ANKS1B: variants seen among roughly 807,000 people sequenced by gnomAD.
The protein encoded by ANKS1B is ankyrin repeat and sterile alpha motif domain containing 1B, also known as ankyrin repeat and sterile alpha motif domain-containing protein 1B.
In ANKS1B, 36 loss-of-function variants were observed where a neutral mutation model predicts 148.3. The ratio of observed to expected loss-of-function variants is 0.24; its 90% CI spans 0.19 to 0.32. The LOEUF (loss-of-function observed/expected upper bound fraction) is 0.32, where lower values mean the gene tolerates loss of function less well. Among genes scored for constraint, ANKS1B ranks in the 10% least tolerant of loss-of-function variants. ANKS1B has a pLI of 1.00. For synonymous variants in ANKS1B, 542 were observed against 560.8 expected (o/e 0.97, Z 0.47); for missense variants, 1,157 against 1,542.6 (o/e 0.75, Z 4.19).
intron 8 of ANKS1B, 96 bp from the exon 9 acceptor site, chr12:99,655,306 G>A (rs1025024553): frequency 4.5e-5 from 51 of 1,124,830 alleles, no homozygotes; most frequent in Non-Finnish European, 5.5e-5. Flanking sequence ...GGTATATCTC[G>A]GCAAACAAGT....
intron 12 of ANKS1B, among the ~76,000 whole-genome samples, chr12:99,280,919 G>A (rs11109793): frequency 2.7e-5 from 4 of 149,756 alleles, no homozygotes; most frequent in South Asian, 2.1e-4. Context: ...ACACACACAC[G>A]TGCGCACATA....
chr12:99,260,792 C>T (rs2075846925), intron 12 of ANKS1B, among the ~76,000 whole-genome samples: 1 of 152,104 alleles, frequency 6.6e-6, no homozygotes, highest in African/African-American at 2.4e-5. Flanking sequence ...TCACATGACC[C>T]TTCAACCAAT....
intron 6 of ANKS1B, among the ~76,000 whole-genome samples, chr12:99,776,407 G>A (rs1209141552): frequency 1.3e-5 from 2 of 152,176 alleles, no homozygotes. Context: ...ACAAGTAAAG[G>A]AGGAGTATTA....
chr12:99,365,135 G>A (rs2092696685), intron 12 of ANKS1B, among the ~76,000 whole-genome samples: 1 of 152,120 alleles, frequency 6.6e-6, no homozygotes, highest in Admixed American at 6.5e-5. Context: ...AAGCATCTTG[G>A]GTGCCAGTGG....
At chr12:99,796,088 G>C (rs1432857635) in intron 4 of ANKS1B, among the ~76,000 whole-genome samples, 1 of 151,830 alleles carries the variant, frequency 6.6e-6, no homozygotes, top group East Asian at 1.9e-4. Flanking sequence ...TTGTGCTTTG[G>C]GGCCATTATT....
At chr12:99,484,763 TG>T (rs374664196) in intron 10 of ANKS1B, among the ~76,000 whole-genome samples, 30,914 of 128,638 alleles carry the variant, frequency 0.24, 4,138 homozygotes, top group African/African-American at 0.41. Context: ...TGTGTGTGTG[TG>T]TTTTTTTTTT....
intron 8 of ANKS1B, among the ~76,000 whole-genome samples, chr12:99,678,742 T>A (rs993099829): frequency 6.6e-5 from 10 of 152,350 alleles, no homozygotes; most frequent in African/African-American, 2.4e-4. Context: ...AATTACCATT[T>A]TCTTAGAGAC....
chr12:99,256,808 G>T (rs1046460301), intron 12 of ANKS1B, among the ~76,000 whole-genome samples: 1 of 151,810 alleles, frequency 6.6e-6, no homozygotes, highest in Admixed American at 6.6e-5. Flanking sequence ...TCACAATAAT[G>T]TGTCTCACTA....
chr12:98,905,587 T>C (rs764488315), intron 17 of ANKS1B, among the ~76,000 whole-genome samples: 4 of 151,940 alleles, frequency 2.6e-5, no homozygotes, highest in African/African-American at 4.8e-5. Context: ...CTGGACAACA[T>C]AGCGAGACCC....
chr12:98,918,416 G>A (rs893232809), intron 17 of ANKS1B, among the ~76,000 whole-genome samples: 1 of 152,232 alleles, frequency 6.6e-6, no homozygotes, highest in Non-Finnish European at 1.5e-5. Flanking sequence ...AGAATGTGAG[G>A]AAGCTAGGTC....
chr12:98,905,251 C>T (rs527242191), intron 17 of ANKS1B, among the ~76,000 whole-genome samples: 6 of 152,306 alleles, frequency 3.9e-5, no homozygotes, highest in South Asian at 4.1e-4. Context: ...GCAGCTACTA[C>T]GCTGGGCAAG....
At chr12:99,714,964 CAA>C (rs34960410) in intron 8 of ANKS1B, among the ~76,000 whole-genome samples, 4 of 124,340 alleles carry the variant, frequency 3.2e-5, no homozygotes, top group Non-Finnish European at 1.7e-5. Context: ...ATTAAAAATA[CAA>C]AAAAAAAAAA....
chr12:99,358,759 A>C (rs1052940203), intron 12 of ANKS1B, among the ~76,000 whole-genome samples: 2 of 152,072 alleles, frequency 1.3e-5, no homozygotes, highest in African/African-American at 4.8e-5. Flanking sequence ...ATATTATAGA[A>C]TGCCCTATAT....
chr12:99,177,809 A>C (rs781236609), intron 14 of ANKS1B, among the ~76,000 whole-genome samples: 77 of 152,276 alleles, frequency 5.1e-4, no homozygotes, highest in African/African-American at 1.8e-3. Context: ...CTTGTTACTA[A>C]ATTTTTTTTT....
intron 14 of ANKS1B, among the ~76,000 whole-genome samples, chr12:99,213,992 C>T (rs1025588591): frequency 3.3e-5 from 5 of 152,106 alleles, no homozygotes; most frequent in African/African-American, 1.2e-4. Flanking sequence ...AAAACTTGGG[C>T]CTCAATGACC....
chr12:99,497,252 T>C (rs1567215121), intron 10 of ANKS1B, among the ~76,000 whole-genome samples: 1 of 152,216 alleles, frequency 6.6e-6, no homozygotes, highest in African/African-American at 2.4e-5. Flanking sequence ...GTATTTTCTT[T>C]AGACAATGAT....
At chr12:99,942,661 C>T (rs1326928594) in intron 1 of ANKS1B, among the ~76,000 whole-genome samples, 1 of 151,988 alleles carries the variant, frequency 6.6e-6, no homozygotes, top group African/African-American at 2.4e-5. Context: ...ATCAAAGATG[C>T]ATAAAATACT....
intron 15 of ANKS1B, among the ~76,000 whole-genome samples, chr12:99,093,953 T>G (rs2055010594): frequency 6.6e-6 from 1 of 152,176 alleles, no homozygotes; most frequent in Non-Finnish European, 1.5e-5. Context: ...AAATTCAAAT[T>G]TAAGTGGCAT....
chr12:98,951,592 T>G (rs2099854184), intron 17 of ANKS1B, among the ~76,000 whole-genome samples: 1 of 152,138 alleles, frequency 6.6e-6, no homozygotes, highest in Admixed American at 6.6e-5. Context: ...GCAATCTGAC[T>G]ACCTCCTGCT....
Sources: allele counts gnomAD v4.1 joint callset (sites outside exome capture counted in the v4.1 genomes callset), GRCh38; gene constraint gnomAD v4.1.1; transcripts MANE v1.5; gene names NCBI Gene and HGNC (gene_info 2026-07-23, HGNC 2026-07-21).